The following SVOPL variants were observed in gnomAD, a reference collection of about 807,000 sequenced individuals.
The protein encoded by SVOPL is SVOP like, also known as putative transporter SVOPL.
In SVOPL, 60 loss-of-function variants were observed where a neutral mutation model predicts 61.0. The observed-to-expected ratio is 0.98, with a 90% CI of 0.80 to 1.22. The LOEUF is 1.22. SVOPL is among the 50% of genes most tolerant of loss of function. The probability of loss-of-function intolerance (pLI) is 0.00; values close to 1 mark genes in which losing one functional copy is unlikely to be tolerated. For missense variants in SVOPL, 662 were observed against 643.9 expected, an observed-to-expected ratio of 1.03 and a Z score of -0.30; for synonymous variants, 279 against 250.0, an observed-to-expected ratio of 1.12 and a Z score of -1.09.
At chr7:138,690,760 TTTTC>T (rs139482197) in intron 1 of SVOPL, among the ~76,000 whole-genome samples, 15,952 of 151,004 alleles carry the variant, frequency 0.11, 860 homozygotes, top group Middle Eastern at 0.19. Flanking sequence ...AATTGTACCC[TTTTC>T]TTTCTTTCTT....
intron 1 of SVOPL, among the ~76,000 whole-genome samples, chr7:138,694,663 CT>C (rs1197405615): frequency 1.2e-4 from 19 of 152,162 alleles, no homozygotes; most frequent in Non-Finnish European, 1.2e-4. Context: ...TATAGAAGCT[CT>C]TAAGTAAGGC....
chr7:138,697,010 C>T (rs1379648877), intron 1 of SVOPL, among the ~76,000 whole-genome samples: 1 of 152,112 alleles, frequency 6.6e-6, no homozygotes, highest in Non-Finnish European at 1.5e-5. Flanking sequence ...ATAAGAGGCC[C>T]TGTTTGATAG....
intron 9 of SVOPL, among the ~76,000 whole-genome samples, chr7:138,633,801 G>A (rs1292809073): frequency 6.6e-6 from 1 of 152,188 alleles, no homozygotes; most frequent in Non-Finnish European, 1.5e-5. Context: ...TGGAGTACAT[G>A]CCACCTCACA....
chr7:138,653,794 G>A (rs779629499), intron 7 of SVOPL, among the ~76,000 whole-genome samples: 12 of 152,156 alleles, frequency 7.9e-5, no homozygotes, highest in East Asian at 5.8e-4. Context: ...TTAGCTGGGC[G>A]TAGTGGCATG....
chr7:138,674,022 T>TA (rs1802494321), intron 3 of SVOPL, among the ~76,000 whole-genome samples: 1 of 151,922 alleles, frequency 6.6e-6, no homozygotes, highest in Admixed American at 6.6e-5. Flanking sequence ...CTGTCTCTAC[T>TA]AAAAATACAA....
chr7:138,680,238 C>T (rs1467847068), intron 1 of SVOPL, among the ~76,000 whole-genome samples: 1 of 148,670 alleles, frequency 6.7e-6, no homozygotes, highest in East Asian at 2.0e-4. Context: ...GGCACGATCT[C>T]GGCTCACTGC....
At chr7:138,623,070 G>A (rs1038936296) in intron 13 of SVOPL, among the ~76,000 whole-genome samples, 8 of 152,236 alleles carry the variant, frequency 5.3e-5, no homozygotes, top group African/African-American at 1.4e-4. Context: ...GATGCTTTCC[G>A]CCTCACAGGA....
chr7:138,602,916 T>C (rs926215832), intron 14 of SVOPL, among the ~76,000 whole-genome samples: 11 of 152,142 alleles, frequency 7.2e-5, no homozygotes, highest in Non-Finnish European at 8.8e-5. Flanking sequence ...GGGTTATCCA[T>C]CTGCCTCTGC....
chr7:138,606,284 G>A (rs10232737), intron 14 of SVOPL, among the ~76,000 whole-genome samples: 38,127 of 152,010 alleles, frequency 0.25, 5,254 homozygotes, highest in East Asian at 0.37. Context: ...GTGGACACCA[G>A]GGGTGAGGTT....
chr7:138,613,729 G>T (rs980166937), intron 14 of SVOPL, among the ~76,000 whole-genome samples: 8 of 152,066 alleles, frequency 5.3e-5, no homozygotes, highest in Non-Finnish European at 1.5e-5. Context: ...TATTGATAAA[G>T]TACCCAACTT....
In SVOPL at chr7:138,687,479, G is replaced by A. The variant is rs965698475; in HGVS notation, c.-34-8400C>T. On this transcript the variant is annotated intron_variant, in intron 1 of 15. Coordinates refer to ENST00000674285, the MANE Select transcript of SVOPL (RefSeq NM_001139456.2). Reference sequence around the variant, plus strand: ...TCAAACTCCTGACCTCAGGTGATCCGGCCAACCTCAGCCTCCCAAAGTGCT... The same window carrying A: ...TCAAACTCCTGACCTCAGGTGATCCAGCCAACCTCAGCCTCCCAAAGTGCT... Among the ~76,000 whole-genome samples the A allele has an allele frequency of 5.3e-5, 8 of 150,960 alleles. No homozygotes were observed. The East Asian group carries it at 5.8e-4, about 11-fold the overall frequency.
intron 1 of SVOPL, among the ~76,000 whole-genome samples, chr7:138,689,719 C>T (rs1330012523): frequency 4.0e-5 from 6 of 151,394 alleles, no homozygotes; most frequent in East Asian, 3.9e-4. Flanking sequence ...TAGCCGGGCA[C>T]GGTGGCGCAC....
chr7:138,626,726 G>A (rs767245138), intron 12 of SVOPL, among the ~76,000 whole-genome samples: 2 of 151,930 alleles, frequency 1.3e-5, no homozygotes, highest in African/African-American at 2.4e-5. Flanking sequence ...TGTGCCTGTA[G>A]TCCTAGCTAT....
chr7:138,617,978 G>C (rs1799373610), intron 14 of SVOPL, among the ~76,000 whole-genome samples: 1 of 152,156 alleles, frequency 6.6e-6, no homozygotes, highest in African/African-American at 2.4e-5. Flanking sequence ...TCAGGAAAGT[G>C]ACTAATTAGC....
rs184466553 is a variant in SVOPL at position 138,692,436 on chromosome 7, C to T, written c.-35+8742G>A. 8.1e-4 allele frequency among the ~76,000 whole-genome samples: 124 copies of T among 152,200 alleles called. 2 individuals carry two copies. The highest frequency in any genetic ancestry group is 3.4e-3 in the Middle Eastern group (1 of 294). On this transcript the variant is annotated intron_variant, in intron 1 of 15. Coordinates refer to ENST00000674285, the MANE Select transcript of SVOPL (RefSeq NM_001139456.2). ...CTGCTCCCCAACATTGGGCCAAACACATATAAACGCTCCATGCAAAAAATA... is the reference window on the plus strand; with the variant it reads ...CTGCTCCCCAACATTGGGCCAAACATATATAAACGCTCCATGCAAAAAATA...
intron 11 of SVOPL, 99 bp from the exon 12 acceptor site, chr7:138,627,560 C>A: frequency 3.6e-6 from 3 of 835,326 alleles, no homozygotes; most frequent in South Asian, 1.5e-5. Context: ...CAGAAAGAAG[C>A]AACTTCATCC....
chr7:138,597,373 A>G, intron 14 of SVOPL: 1 of 409,720 alleles, frequency 2.4e-6, no homozygotes, highest in South Asian at 3.0e-5. Context: ...ACTTGTCCAA[A>G]GTCACATACA....
intron 4 of SVOPL, among the ~76,000 whole-genome samples, chr7:138,664,605 G>C (rs1220442548): frequency 7.1e-6 from 1 of 141,828 alleles, no homozygotes; most frequent in South Asian, 2.3e-4. Context: ...GCACGCCCCT[G>C]ACCCTCCACC....
chr7:138,665,143 T>G (rs918686089), intron 4 of SVOPL, among the ~76,000 whole-genome samples: 1 of 82,702 alleles, frequency 1.2e-5, no homozygotes, highest in Non-Finnish European at 2.3e-5. Flanking sequence ...GGTCAGCTCT[T>G]TTCTGCAGGT....
Sources: allele counts gnomAD v4.1 joint callset (sites outside exome capture counted in the v4.1 genomes callset), GRCh38; gene constraint gnomAD v4.1.1; transcripts MANE v1.5; gene names NCBI Gene and HGNC (gene_info 2026-07-23, HGNC 2026-07-21).